TMEM268: variants seen among roughly 807,000 people sequenced by gnomAD.
TMEM268 encodes the protein transmembrane protein 268.
A neutral mutation model predicts 39.1 loss-of-function variants in TMEM268; 24 were observed. The ratio of observed to expected loss-of-function variants is 0.61; its 90% confidence interval spans 0.44 to 0.86. The LOEUF (loss-of-function observed/expected upper bound fraction) is 0.86. Ranked by LOEUF, TMEM268 falls within the 40% of genes least tolerant of loss-of-function variation. The pLI, the probability that TMEM268 is intolerant of heterozygous loss-of-function variation, is 0.00. For missense variants in TMEM268, 409 were observed against 428.6 expected, an observed-to-expected ratio of 0.95 and a Z score of 0.40; for synonymous variants, 176 against 173.5, an observed-to-expected ratio of 1.01 and a Z score of -0.12.
intron 8 of TMEM268, among the ~76,000 whole-genome samples, chr9:114,642,863 A>AT (rs1423055242): frequency 6.6e-6 from 1 of 152,016 alleles, no homozygotes; most frequent in Non-Finnish European, 1.5e-5. Context: ...TGTGCGTATT[A>AT]TTATTGCCAT....
chr9:114,621,941 G>A (rs1185369351), intron 2 of TMEM268, among the ~76,000 whole-genome samples: 3 of 152,184 alleles, frequency 2.0e-5, no homozygotes, highest in African/African-American at 7.2e-5. Context: ...CAAGGCATTG[G>A]TGTCATCTGA....
intron 8 of TMEM268, among the ~76,000 whole-genome samples, chr9:114,642,061 T>C (rs2133724433): frequency 6.6e-6 from 1 of 152,336 alleles, no homozygotes; most frequent in African/African-American, 2.4e-5. Flanking sequence ...TCTTAACCAT[T>C]TTAAGTATAT....
chr9:114,642,918 C>T (rs1476911115), intron 8 of TMEM268, among the ~76,000 whole-genome samples: 2 of 152,164 alleles, frequency 1.3e-5, no homozygotes, highest in East Asian at 3.8e-4. Flanking sequence ...ATTGAGGCTG[C>T]AGGAGCCCCA....
intron 2 of TMEM268, among the ~76,000 whole-genome samples, chr9:114,621,376 C>T (rs181122654): frequency 1.4e-4 from 22 of 151,794 alleles, no homozygotes; most frequent in East Asian, 5.8e-4. Flanking sequence ...GAACCTTTTC[C>T]TATCTTATTA....
chr9:114,630,075 G>A (rs1846329055), intron 5 of TMEM268, among the ~76,000 whole-genome samples: 1 of 152,146 alleles, frequency 6.6e-6, no homozygotes, highest in African/African-American at 2.4e-5. Flanking sequence ...TCGAGGATGT[G>A]GATGTAATTC....
At chr9:114,628,842 G>A (rs1377582979) in intron 5 of TMEM268, among the ~76,000 whole-genome samples, 4 of 152,174 alleles carry the variant, frequency 2.6e-5, no homozygotes, top group East Asian at 3.8e-4. Context: ...ATCATGTTCC[G>A]AAAGGAGGTG....
intron 1 of TMEM268, among the ~76,000 whole-genome samples, chr9:114,616,071 A>G (rs560029580): frequency 1.3e-4 from 18 of 136,616 alleles, no homozygotes; most frequent in Non-Finnish European, 2.4e-4. Flanking sequence ...GCTGGAGTGC[A>G]GTGGCGCGAT....
chr9:114,622,029 A>G, intron 2 of TMEM268: 1 of 899,792 alleles, frequency 1.1e-6, no homozygotes, highest in Non-Finnish European at 1.3e-6. Context: ...TTAGGAGGCT[A>G]CTGCAGAGGG....
chr9:114,620,926 C>CA (rs142018561), intron 2 of TMEM268, among the ~76,000 whole-genome samples: 69,602 of 149,776 alleles, frequency 0.46, 16,273 homozygotes, highest in Admixed American at 0.53. Flanking sequence ...CCACCACTTC[C>CA]AAAAAAAAAC....
At chr9:114,615,763 C>T (rs761346539) in intron 1 of TMEM268, among the ~76,000 whole-genome samples, 12 of 152,124 alleles carry the variant, frequency 7.9e-5, no homozygotes, top group Non-Finnish European at 8.8e-5. Flanking sequence ...GATCTCAGCT[C>T]ACTGCAACCT....
intron 8 of TMEM268, among the ~76,000 whole-genome samples, chr9:114,642,643 T>C (rs1158358268): frequency 6.6e-6 from 1 of 152,056 alleles, no homozygotes; most frequent in African/African-American, 2.4e-5. Flanking sequence ...AATATATTTT[T>C]AATTTTAATT....
At chr9:114,629,879 A>G (rs888918979) in intron 5 of TMEM268, among the ~76,000 whole-genome samples, 1 of 152,224 alleles carries the variant, frequency 6.6e-6, no homozygotes, top group African/African-American at 2.4e-5. Flanking sequence ...GCTTTGCCAC[A>G]AGACTGACAA....
intron 1 of TMEM268, among the ~76,000 whole-genome samples, chr9:114,613,007 T>G (rs1845565462): frequency 6.6e-6 from 1 of 152,194 alleles, no homozygotes; most frequent in Non-Finnish European, 1.5e-5. Context: ...CTATTTTGAG[T>G]GATTTACATG....
At chr9:114,635,362 TAAAAA>T (rs1420860892) in intron 6 of TMEM268, among the ~76,000 whole-genome samples, 6 of 135,440 alleles carry the variant, frequency 4.4e-5, no homozygotes, top group African/African-American at 1.1e-4. Context: ...AAAAAAAAAA[TAAAAA>T]CAAAACAAAA....
intron 3 of TMEM268, among the ~76,000 whole-genome samples, chr9:114,624,853 G>C (rs1846092696): frequency 6.6e-6 from 1 of 152,230 alleles, no homozygotes; most frequent in Non-Finnish European, 1.5e-5. Context: ...AACTTGCCTG[G>C]GGGAAGAGGG....
rs1312858444 is a variant in TMEM268, at chr9:114,644,803, T to G, written c.*1490T>G. 1 of 151,958 alleles carries G rather than the reference T, an allele frequency of 6.6e-6. No homozygotes were observed. The highest frequency in any genetic ancestry group is 1.5e-5 in the Non-Finnish European group (1 of 67,984). 9.4% of individuals were successfully genotyped at this position (151,958 alleles called of 1,614,324 possible). On this transcript the variant is annotated 3_prime_UTR_variant, in exon 9 of 9. Transcript: ENST00000288502. ...ATAATGGGTGGATTGGATGATTTTT[T>G]TTTTTTTAATTGAGATGGAGTCTTG...
upstream of TMEM268, among the ~76,000 whole-genome samples, chr9:114,610,211 G>C (rs1047116436): frequency 2.0e-5 from 3 of 152,092 alleles, no homozygotes; most frequent in African/African-American, 7.2e-5. Context: ...GGCTAATTTT[G>C]TATTTTTAGT....
At chr9:114,641,732 T>G (rs1184814094) in intron 8 of TMEM268, among the ~76,000 whole-genome samples, 1 of 152,106 alleles carries the variant, frequency 6.6e-6, no homozygotes, top group East Asian at 1.9e-4. Context: ...TGCCTCCGGG[T>G]TCAAGTGATT....
At chr9:114,616,182 A>AT (rs1845703536) in intron 1 of TMEM268, among the ~76,000 whole-genome samples, 2 of 149,170 alleles carry the variant, frequency 1.3e-5, no homozygotes, top group South Asian at 4.2e-4. Context: ...CGCCTGGCTA[A>AT]TTTTTTGTAT....
Sources: allele counts gnomAD v4.1 joint callset (sites outside exome capture counted in the v4.1 genomes callset), GRCh38; gene constraint gnomAD v4.1.1; transcripts MANE v1.5; gene names NCBI Gene and HGNC (gene_info 2026-07-23, HGNC 2026-07-21).